The following SP140 variants were observed in gnomAD, a reference collection of about 807,000 sequenced individuals.
SP140 encodes nuclear body protein SP140.
Under a neutral mutation model 125.0 loss-of-function variants are expected in SP140, and 81 were observed. The observed-to-expected ratio is 0.65, with a 90% CI of 0.54 to 0.78. The LOEUF (loss-of-function observed/expected upper bound fraction) is 0.78, where lower values mean the gene tolerates loss of function less well. SP140 is among the 30% of genes least tolerant of loss of function. The pLI, the probability that SP140 is intolerant of heterozygous loss-of-function variation, is 0.00. For synonymous variants in SP140, 312 were observed against 354.0 expected, an observed-to-expected ratio of 0.88 and a Z score of 1.33; for missense variants, 858 against 1,037.0, an observed-to-expected ratio of 0.83 and a Z score of 2.37.
At chr2:230,245,587 G>A (rs764424588) in intron 6 of SP140, among the ~76,000 whole-genome samples, 1 of 152,278 alleles carries the variant, frequency 6.6e-6, no homozygotes, top group Non-Finnish European at 1.5e-5. Context: ...GTCAGGGAGA[G>A]GAAGTCAAGT....
At chr2:230,300,241 G>C (rs760136871) in intron 22 of SP140, among the ~76,000 whole-genome samples, 1 of 152,196 alleles carries the variant, frequency 6.6e-6, no homozygotes, top group Non-Finnish European at 1.5e-5. Context: ...CTTGCTCCAG[G>C]AAGGAGAAAA....
chr2:230,203,189 G>A (rs989229397), exon 1 of SP140: 5 of 187,100 alleles, frequency 2.7e-5, no homozygotes, highest in African/African-American at 7.1e-5. Flanking sequence ...AACTGAGAGG[G>A]AAGGACCCTG....
At chr2:230,309,399 C>T (rs555802056) in intron 22 of SP140, among the ~76,000 whole-genome samples, 6 of 152,168 alleles carry the variant, frequency 3.9e-5, no homozygotes, top group Non-Finnish European at 8.8e-5. Context: ...CAGAGGTCGG[C>T]GTAGAGCCCT....
At chr2:230,200,665 TATAC>T, upstream of SP140, 4 of 589,446 alleles carry the variant, frequency 6.8e-6, no homozygotes, top group Non-Finnish European at 1.2e-5. Context: ...ATAGTGCAGA[TATAC>T]ATACATACAT....
At chr2:230,308,364 C>T (rs1052410969) in intron 22 of SP140, among the ~76,000 whole-genome samples, 3 of 151,994 alleles carry the variant, frequency 2.0e-5, no homozygotes, top group Admixed American at 6.6e-5. Flanking sequence ...CCAAAAACCA[C>T]CTGTTCCCCC....
chr2:230,242,443 C>T (rs944072398), intron 4 of SP140, among the ~76,000 whole-genome samples: 1 of 152,156 alleles, frequency 6.6e-6, no homozygotes, highest in African/African-American at 2.4e-5. Context: ...ACTCAGATTT[C>T]AATAGATCTC....
intron 1 of SP140, among the ~76,000 whole-genome samples, chr2:230,236,037 C>G (rs965670302): frequency 6.6e-6 from 1 of 151,978 alleles, no homozygotes; most frequent in African/African-American, 2.4e-5. Context: ...CCACCATGCC[C>G]GGCTAATTTT....
intron 1 of SP140, among the ~76,000 whole-genome samples, chr2:230,228,679 C>G (rs2046812761): frequency 6.6e-6 from 1 of 152,170 alleles, no homozygotes; most frequent in South Asian, 2.1e-4. Flanking sequence ...TGTTCTGAAG[C>G]TTCTTTGTCT....
At chr2:230,276,230 T>C (rs2054688502) in intron 15 of SP140, among the ~76,000 whole-genome samples, 1 of 152,158 alleles carries the variant, frequency 6.6e-6, no homozygotes. Context: ...GAGAAGTCAA[T>C]GCCTGGTTTC....
chr2:230,285,630 C>A, intron 16 of SP140, 122 bp from the exon 17 acceptor site: 2 of 777,808 alleles, frequency 2.6e-6, no homozygotes, highest in Non-Finnish European at 4.3e-6. Flanking sequence ...AAAAAATGCT[C>A]TGGACACCTG....
At chr2:230,303,316 G>T (rs2058473271) in intron 22 of SP140, among the ~76,000 whole-genome samples, 1 of 152,128 alleles carries the variant, frequency 6.6e-6, no homozygotes, top group Admixed American at 6.5e-5. Flanking sequence ...AGAGGGGATG[G>T]ATAAATTCCT....
intron 15 of SP140, among the ~76,000 whole-genome samples, chr2:230,273,660 A>G (rs998062613): frequency 3.9e-5 from 6 of 152,174 alleles, no homozygotes; most frequent in Non-Finnish European, 2.9e-5. Flanking sequence ...TGCTTATCTC[A>G]GCACTGTTCA....
rs781483893 is a variant in SP140 at position 230,287,902 on chromosome 2, A to G, written c.1656A>G (p.Arg552=). ...KDLSKIRGRK[R]GKPGTRFTQS... is the part of the protein sequence containing the mutation. ...ATTCTACTTTCTCAGGGAGAAAGAG[A>G]GGCAAACCTGGAACCCGCTTCACTC... Residue 552 remains arginine, a synonymous_variant, in exon 18 of 27, where the codon AGA becomes AGG. Coordinates refer to ENST00000392045, the MANE Select transcript of SP140 (RefSeq NM_007237.5). 2.0e-5 allele frequency: 32 copies of G among 1,611,556 alleles called. No homozygotes were observed. In the Middle Eastern group the frequency reaches 6.1e-4, roughly 31 times the overall value.
chr2:230,297,684 A>G (rs1460160557), intron 22 of SP140, among the ~76,000 whole-genome samples: 2 of 152,176 alleles, frequency 1.3e-5, no homozygotes, highest in African/African-American at 2.4e-5. Context: ...AAACCTTCCA[A>G]TGTCCTTATT....
At chr2:230,222,212 AGAGT>A (rs774577680), upstream of SP140, among the ~76,000 whole-genome samples, 22 of 151,104 alleles carry the variant, frequency 1.5e-4, no homozygotes, top group Non-Finnish European at 3.0e-4. Flanking sequence ...CCTGAGCAAC[AGAGT>A]GAGATCCCGC....
intron 22 of SP140, among the ~76,000 whole-genome samples, chr2:230,308,286 C>T (rs976670083): frequency 2.0e-5 from 3 of 151,902 alleles, no homozygotes; most frequent in South Asian, 2.1e-4. Flanking sequence ...TTGGGTACAG[C>T]GTACACTGCT....
At chr2:230,207,241 T>C (rs1178488540) in intron 1 of SP140, among the ~76,000 whole-genome samples, 1 of 152,182 alleles carries the variant, frequency 6.6e-6, no homozygotes, top group East Asian at 1.9e-4. Flanking sequence ...ATACATGAGT[T>C]GTAGTCTATT....
intron 1 of SP140, chr2:230,208,077 T>C (rs1574721789): frequency 1.5e-6 from 2 of 1,345,346 alleles, no homozygotes; most frequent in Non-Finnish European, 1.1e-6. Context: ...GAAAGGATAA[T>C]GTTTTATAGT....
chr2:230,312,938 C>A lies in SP140; in HGVS notation c.*254C>A. On this transcript the variant is annotated 3_prime_UTR_variant, in exon 27 of 27. Coordinates refer to ENST00000392045, the MANE Select transcript of SP140 (RefSeq NM_007237.5). The stretch of plus-strand genomic sequence containing the variant: ...GAAGGATGTTGGCAGCGACACCATC[C>A]CATACAGGCTCTTACCTCTTCTCCT... 2.7e-6 allele frequency: 1 copy of A among 377,200 alleles called. No individual in the cohort carries two copies. Among genetic ancestry groups the A allele is most frequent in the Non-Finnish European group, 4.9e-6 (1 of 205,846 alleles). The allele number at this position is 377,200 out of a possible 1,614,324, so 23.4% of individuals were successfully genotyped here.
Sources: allele counts gnomAD v4.1 joint callset (sites outside exome capture counted in the v4.1 genomes callset), GRCh38; gene constraint gnomAD v4.1.1; transcripts MANE v1.5; gene names NCBI Gene and HGNC (gene_info 2026-07-23, HGNC 2026-07-21).